The following WDR70 variants were observed in gnomAD, a reference collection of about 807,000 sequenced individuals.
WDR70 encodes the protein WD repeat domain 70.
A neutral mutation model predicts 88.6 loss-of-function variants in WDR70; 53 were observed. That is an observed-to-expected ratio of 0.60 (90% CI 0.48 to 0.75). The LOEUF is 0.75. WDR70 is among the 30% of genes least tolerant of loss of function. WDR70 has a pLI of 0.00. For missense variants in WDR70, 610 were observed against 823.2 expected (o/e 0.74, Z 3.17); for synonymous variants, 280 against 270.0 (o/e 1.04, Z -0.36).
At chr5:37,560,588 A>ACCATAATT (rs1369247194) in intron 9 of WDR70, among the ~76,000 whole-genome samples, 1 of 152,128 alleles carries the variant, frequency 6.6e-6, no homozygotes, top group Non-Finnish European at 1.5e-5. Flanking sequence ...GCTAATTCCT[A>ACCATAATT]CCATAATTTC....
intron 10 of WDR70, among the ~76,000 whole-genome samples, chr5:37,610,935 C>T (rs571141241): frequency 6.6e-6 from 1 of 152,134 alleles, no homozygotes; most frequent in East Asian, 1.9e-4. Context: ...ATTCTTACTT[C>T]CCAAAACAGT....
intron 5 of WDR70, among the ~76,000 whole-genome samples, chr5:37,417,718 C>T (rs1749805534): frequency 6.6e-6 from 1 of 151,998 alleles, no homozygotes; most frequent in Admixed American, 6.6e-5. Context: ...ATTTTATTAC[C>T]TTATTCTTTG....
intron 7 of WDR70, among the ~76,000 whole-genome samples, chr5:37,462,548 C>T (rs1438320698): frequency 8.5e-5 from 13 of 152,254 alleles, no homozygotes; most frequent in East Asian, 7.7e-4. Context: ...GTGATCCGCC[C>T]GCCTCGGCCT....
At chr5:37,598,204 A>C (rs1335078933) in intron 9 of WDR70, among the ~76,000 whole-genome samples, 1 of 151,866 alleles carries the variant, frequency 6.6e-6, no homozygotes, top group Non-Finnish European at 1.5e-5. Context: ...TTCTACCCTC[A>C]ACTTTGCAAC....
At chr5:37,660,510 T>C (rs865847650) in intron 10 of WDR70, among the ~76,000 whole-genome samples, 39 of 152,174 alleles carry the variant, frequency 2.6e-4, no homozygotes, top group African/African-American at 9.1e-4. Context: ...TTTAGCATTA[T>C]ATTTTTTTGC....
At chr5:37,515,254 T>C (rs1740851518) in intron 8 of WDR70, among the ~76,000 whole-genome samples, 1 of 149,534 alleles carries the variant, frequency 6.7e-6, no homozygotes, top group Admixed American at 6.6e-5. Context: ...ACCATGGTTA[T>C]GGGAATATTT....
At chr5:37,468,148 C>G (rs1167342039) in intron 7 of WDR70, among the ~76,000 whole-genome samples, 5 of 152,192 alleles carry the variant, frequency 3.3e-5, no homozygotes, top group Non-Finnish European at 7.3e-5. Context: ...TGCGCCCGGC[C>G]TATCATATGA....
At chr5:37,454,826 G>A (rs1738782986) in intron 7 of WDR70, among the ~76,000 whole-genome samples, 1 of 152,160 alleles carries the variant, frequency 6.6e-6, no homozygotes, top group African/African-American at 2.4e-5. Context: ...AATGGAATGT[G>A]AGCATGGATT....
intron 10 of WDR70, among the ~76,000 whole-genome samples, chr5:37,652,847 T>G (rs1454677280): frequency 6.6e-6 from 1 of 152,160 alleles, no homozygotes; most frequent in Non-Finnish European, 1.5e-5. Context: ...TGGGCTGAGA[T>G]GATGGGGTTT....
At chr5:37,514,196 T>C (rs1003898137) in intron 8 of WDR70, among the ~76,000 whole-genome samples, 24 of 150,738 alleles carry the variant, frequency 1.6e-4, no homozygotes, top group Admixed American at 9.9e-4. Flanking sequence ...TATTTTTAGT[T>C]TTTGTAGAGA....
In WDR70 at chr5:37,643,167, G is replaced by A. The variant is rs930400192; in HGVS notation, c.1092+37929G>A. 1.4e-4 allele frequency among the ~76,000 whole-genome samples: 22 copies of A among 152,008 alleles called. No homozygotes were observed. In the East Asian group the frequency reaches 2.5e-3, roughly 17 times the overall value. On this transcript the variant is annotated intron_variant, in intron 10 of 17. Transcript: ENST00000265107. ...TTTTTTATTTGGTTGTTGTATATGCGGAGAGATGGGGTCTAGTTTCATTCT... is the reference window on the plus strand; with the variant it reads ...TTTTTTATTTGGTTGTTGTATATGCAGAGAGATGGGGTCTAGTTTCATTCT...
At chr5:37,625,574 G>T (rs371413975) in intron 10 of WDR70, among the ~76,000 whole-genome samples, 11 of 151,948 alleles carry the variant, frequency 7.2e-5, no homozygotes, top group African/African-American at 1.5e-4. Context: ...ACTTAGGCTG[G>T]AGTGCAGTGG....
intron 17 of WDR70, among the ~76,000 whole-genome samples, chr5:37,740,846 T>C (rs1057305688): frequency 5.3e-5 from 8 of 152,134 alleles, no homozygotes; most frequent in African/African-American, 1.9e-4. Context: ...AAAGCCCTGT[T>C]TTTCTCCCTT....
intron 13 of WDR70, among the ~76,000 whole-genome samples, chr5:37,705,319 C>A (rs994407689): frequency 6.6e-6 from 1 of 151,858 alleles, no homozygotes; most frequent in African/African-American, 2.4e-5. Flanking sequence ...ATTTAAGAGA[C>A]GAGCAAATGA....
intron 13 of WDR70, among the ~76,000 whole-genome samples, chr5:37,709,389 G>C (rs1282049004): frequency 6.6e-6 from 1 of 152,164 alleles, no homozygotes; most frequent in Non-Finnish European, 1.5e-5. Flanking sequence ...CCTAGAGGGA[G>C]CCTGAGTAAC....
At chr5:37,482,175 A>G (rs1739692960) in intron 8 of WDR70, among the ~76,000 whole-genome samples, 1 of 152,066 alleles carries the variant, frequency 6.6e-6, no homozygotes, top group Admixed American at 6.6e-5. Flanking sequence ...GAGCCTTCCA[A>G]ACTGTTCCAG....
At chr5:37,514,991 A>G (rs1482105944) in intron 8 of WDR70, among the ~76,000 whole-genome samples, 2 of 148,528 alleles carry the variant, frequency 1.3e-5, no homozygotes, top group Admixed American at 1.3e-4. Flanking sequence ...ACCCCAGCCT[A>G]GGTGACTGAG....
intron 8 of WDR70, 134 bp from the exon 9 acceptor site, chr5:37,516,380 G>A: frequency 4.0e-6 from 2 of 502,232 alleles, no homozygotes; most frequent in Non-Finnish European, 7.2e-6. Flanking sequence ...AAATAATATA[G>A]GTTTATAATT....
chr5:37,596,829 C>A lies in WDR70; in HGVS notation c.918-8235C>A, dbSNP rs372601540. On this transcript the variant is annotated intron_variant, in intron 9 of 17. Coordinates refer to ENST00000265107, the MANE Select transcript of WDR70 (RefSeq NM_018034.4). ...TGACAAATGAATGGTTGTGTCTCTC[C>A]AAAAACTTCCCTTGTGATGCCTCTT... 4.6e-5 allele frequency among the ~76,000 whole-genome samples: 7 copies of A among 152,062 alleles called. 1 individual carries two copies. The highest frequency in any genetic ancestry group is 3.9e-4 in the Admixed American group (6 of 15,250).
Sources: gnomAD v4.1 joint callset for allele counts (sites outside exome capture counted in the v4.1 genomes callset) on GRCh38, gnomAD v4.1.1 for gene constraint, MANE v1.5 for transcripts, NCBI Gene and HGNC (gene_info 2026-07-23, HGNC 2026-07-21) for gene names.